TENM2: variants seen among roughly 807,000 people sequenced by gnomAD.
TENM2 encodes teneurin-2.
A neutral mutation model predicts 245.2 loss-of-function variants in TENM2; 52 were observed. The observed-to-expected ratio is 0.21, with a 90% CI of 0.17 to 0.27. The LOEUF is 0.27. Ranked by LOEUF, TENM2 falls within the 10% of genes least tolerant of loss-of-function variation. TENM2 has a pLI of 1.00. For synonymous variants in TENM2, 1,363 were observed against 1,438.9 expected (o/e 0.95, Z 1.19); for missense variants, 3,046 against 3,666.8 (o/e 0.83, Z 4.37).
At chr5:167,678,530 T>C (rs1756488437) in intron 2 of TENM2, among the ~76,000 whole-genome samples, 1 of 152,160 alleles carries the variant, frequency 6.6e-6, no homozygotes, top group Non-Finnish European at 1.5e-5. Flanking sequence ...CAGCACTTGT[T>C]ACTTAAAAGT....
chr5:168,178,828 T>C (rs919911092), intron 13 of TENM2, among the ~76,000 whole-genome samples: 5 of 152,078 alleles, frequency 3.3e-5, no homozygotes, highest in African/African-American at 1.2e-4. Context: ...CTGGGCATGG[T>C]GGCTCACGCC....
chr5:167,960,399 A>G (rs142754507), intron 4 of TENM2, among the ~76,000 whole-genome samples: 8,915 of 152,290 alleles, frequency 0.059, 271 homozygotes, highest in African/African-American at 0.072. Context: ...CTGCCCAGAA[A>G]GGAGGAATCT....
chr5:167,266,236 A>G, the TENM2 span, among the ~76,000 whole-genome samples: 4 of 152,220 alleles, frequency 2.6e-5, no homozygotes, highest in Admixed American at 6.5e-5. Flanking sequence ...ATTTTAATTG[A>G]AATTTAATTT....
chr5:167,781,049 G>T (rs189195859), intron 2 of TENM2, among the ~76,000 whole-genome samples: 1 of 152,074 alleles, frequency 6.6e-6, no homozygotes, highest in Non-Finnish European at 1.5e-5. Context: ...GGTGGCTCAC[G>T]CTTGTAATCC....
the TENM2 span, among the ~76,000 whole-genome samples, chr5:167,117,682 T>G: frequency 2.6e-5 from 4 of 152,122 alleles, no homozygotes; most frequent in Admixed American, 2.6e-4. Flanking sequence ...ACCTACAGCT[T>G]TTAAAGCAGG....
At chr5:167,671,541 A>G (rs561215116) in intron 2 of TENM2, among the ~76,000 whole-genome samples, 2 of 152,202 alleles carry the variant, frequency 1.3e-5, no homozygotes, top group South Asian at 4.1e-4. Flanking sequence ...GTGATTTGAC[A>G]TCGAGTTAGG....
the TENM2 span, among the ~76,000 whole-genome samples, chr5:166,993,525 G>A: frequency 2.0e-5 from 3 of 152,168 alleles, no homozygotes; most frequent in Admixed American, 1.3e-4. Flanking sequence ...AGATGCTGCG[G>A]TTGGAAGACA....
intron 2 of TENM2, among the ~76,000 whole-genome samples, chr5:167,572,441 A>G (rs182844642): frequency 6.6e-6 from 1 of 152,344 alleles, no homozygotes; most frequent in Admixed American, 6.5e-5. Context: ...TAGGGCACAT[A>G]GAATTTACTT....
chr5:167,492,968 G>T (rs1768532387), intron 2 of TENM2, among the ~76,000 whole-genome samples: 1 of 152,110 alleles, frequency 6.6e-6, no homozygotes, highest in African/African-American at 2.4e-5. Context: ...ATGTCAGCCA[G>T]GAAATCATAG....
chr5:168,254,376 A>G (rs1767441534), intron 27 of TENM2, among the ~76,000 whole-genome samples: 1 of 152,094 alleles, frequency 6.6e-6, no homozygotes, highest in African/African-American at 2.4e-5. Context: ...AACATTTCCA[A>G]AGGGATTGAG....
At chr5:167,708,118 G>T (rs574676753) in intron 2 of TENM2, among the ~76,000 whole-genome samples, 3 of 152,052 alleles carry the variant, frequency 2.0e-5, no homozygotes, top group Admixed American at 6.6e-5. Flanking sequence ...CCTATTGATT[G>T]GTAGAAGCTG....
intron 1 of TENM2, among the ~76,000 whole-genome samples, chr5:167,313,615 A>G (rs2127758589): frequency 6.6e-6 from 1 of 152,220 alleles, no homozygotes; most frequent in Non-Finnish European, 1.5e-5. Context: ...TAAGTCTGTG[A>G]CACCAATGTA....
the TENM2 span, among the ~76,000 whole-genome samples, chr5:167,037,406 G>A: frequency 6.6e-6 from 1 of 152,094 alleles, no homozygotes; most frequent in South Asian, 2.1e-4. Flanking sequence ...TCTGTTTATT[G>A]CTGTTGTTTC....
At chr5:167,338,477 A>C (rs1230726095) in intron 1 of TENM2, among the ~76,000 whole-genome samples, 1 of 152,238 alleles carries the variant, frequency 6.6e-6, no homozygotes, top group Non-Finnish European at 1.5e-5. Context: ...AAGCAATTAA[A>C]ATAGAACGTG....
At chr5:167,317,859 G>T (rs1269781142) in intron 1 of TENM2, among the ~76,000 whole-genome samples, 1 of 152,064 alleles carries the variant, frequency 6.6e-6, no homozygotes, top group African/African-American at 2.4e-5. Flanking sequence ...AGGGAAGAGG[G>T]GATAAAAAGC....
the TENM2 span, among the ~76,000 whole-genome samples, chr5:167,199,978 A>G: frequency 6.6e-6 from 1 of 151,598 alleles, no homozygotes; most frequent in Non-Finnish European, 1.5e-5. Context: ...GGGGGTACAA[A>G]CTCCTGGCCT....
At chr5:167,895,007 AAGGGAGGG>A (rs530402637) in intron 3 of TENM2, among the ~76,000 whole-genome samples, 6 of 126,886 alleles carry the variant, frequency 4.7e-5, no homozygotes, top group African/African-American at 1.2e-4. Context: ...GGAAGGAAGG[AAGGGAGGG>A]AGGGAGGGAG....
At chr5:167,436,347 A>C (rs1325912366) in intron 2 of TENM2, among the ~76,000 whole-genome samples, 1 of 152,122 alleles carries the variant, frequency 6.6e-6, no homozygotes, top group Non-Finnish European at 1.5e-5. Flanking sequence ...TCAGCCTCCC[A>C]AAATTCTGGG....
At chr5:167,490,387 T>C (rs1768353834) in intron 2 of TENM2, among the ~76,000 whole-genome samples, 1 of 144,992 alleles carries the variant, frequency 6.9e-6, no homozygotes, top group Admixed American at 7.0e-5. Flanking sequence ...TTAATATCAA[T>C]ATGTTACTAC....
Sources: allele counts gnomAD v4.1 joint callset (sites outside exome capture counted in the v4.1 genomes callset), GRCh38; gene constraint gnomAD v4.1.1; transcripts MANE v1.5; gene names NCBI Gene and HGNC (gene_info 2026-07-23, HGNC 2026-07-21).